The following LRRC74A variants were observed in gnomAD, a reference collection of about 807,000 sequenced individuals.
LRRC74A encodes leucine rich repeat containing 74A.
A neutral mutation model predicts 57.9 loss-of-function variants in LRRC74A; 44 were observed. The observed-to-expected ratio is 0.76, with a 90% CI of 0.60 to 0.98. The LOEUF (loss-of-function observed/expected upper bound fraction) is 0.98, where lower values mean the gene tolerates loss of function less well. Ranked by LOEUF, LRRC74A falls within the 50% of genes least tolerant of loss-of-function variation. LRRC74A has a pLI of 0.00. For synonymous variants in LRRC74A, 211 were observed against 219.4 expected, an observed-to-expected ratio of 0.96 and a Z score of 0.34; for missense variants, 572 against 574.0, an observed-to-expected ratio of 1.00 and a Z score of 0.04.
At chr14:76,854,966 G>A (rs1340513330) in intron 9 of LRRC74A, among the ~76,000 whole-genome samples, 1 of 152,158 alleles carries the variant, frequency 6.6e-6, no homozygotes, top group Non-Finnish European at 1.5e-5. Flanking sequence ...TGCCACACAA[G>A]TAGCAGGAGG....
In LRRC74A at chr14:76,828,390, A is replaced by G. The variant is rs1174509003; in HGVS notation, c.137A>G (p.Glu46Gly). The G allele has an allele frequency of 4.3e-6, 7 of 1,613,864 alleles. No homozygotes were observed. The highest frequency in any genetic ancestry group is 1.7e-5 in the Admixed American group (1 of 60,002). ...GTTGAAAAAGTGAAACCAGCCCGGG[A>G]GAATTCGGAAACAGACCTGGAGATT... is the stretch of plus-strand genomic sequence containing the variant. The part of the protein sequence containing the change: ...PTVEKVKPAR[E>G]NSETDLEIED... The change falls in exon 2 of 14, where the codon GAG (glutamate) becomes GGG (glycine). Residue 46 changes from glutamate (E) to glycine (G), a missense_variant. Glu to Gly is a moderately conservative substitution (Grantham distance 98, BLOSUM62 -2). Transcript: ENST00000689127.
At chr14:76,867,801 A>G (rs1418054764) in intron 13 of LRRC74A, among the ~76,000 whole-genome samples, 3 of 152,150 alleles carry the variant, frequency 2.0e-5, no homozygotes, top group African/African-American at 7.2e-5. Context: ...TTGCAGCCCA[A>G]AGAGGAAGTG....
At chr14:76,847,893 G>T (rs1897210289) in intron 7 of LRRC74A, among the ~76,000 whole-genome samples, 1 of 152,096 alleles carries the variant, frequency 6.6e-6, no homozygotes, top group Non-Finnish European at 1.5e-5. Flanking sequence ...CAAAAGTTGG[G>T]CTGGGTACAG....
chr14:76,863,215 T>TGTGTGTGTGTGTGTGTGTG (rs61247792), intron 11 of LRRC74A, among the ~76,000 whole-genome samples: 1 of 149,006 alleles, frequency 6.7e-6, no homozygotes, highest in African/African-American at 2.5e-5. Flanking sequence ...TGTGTGTGTG[T>TGTGTGTGTGTGTGTGTGTG]TGGGATAGGA....
Position 76,860,696 on chromosome 14 carries a change from G to A in LRRC74A, c.1057G>A (p.Val353Met), listed in dbSNP as rs575564526. The A allele has an allele frequency of 5.2e-5, 84 of 1,607,878 alleles. No homozygotes were observed. Among genetic ancestry groups the A allele is most frequent in the Non-Finnish European group, 6.5e-5 (76 of 1,176,552 alleles). The change falls in exon 11 of 14, where the codon GTG (valine) becomes ATG (methionine). Residue 353 changes from valine to methionine, a missense_variant. Coordinates refer to ENST00000689127, the MANE Select transcript of LRRC74A (RefSeq NM_001385106.1). ...SRMEELDISNVLVSEQFMKTL... is the reference protein window; with the variant it reads ...SRMEELDISNMLVSEQFMKTL... ...GTCCCCTCTCTCCCTGTCACAGAAC[G>A]TGCTGGTGTCCGAGCAGTTCATGAA...
intron 11 of LRRC74A, among the ~76,000 whole-genome samples, chr14:76,861,670 C>T (rs1315214893): frequency 2.0e-5 from 3 of 152,228 alleles, no homozygotes; most frequent in East Asian, 1.9e-4. Context: ...AGAATAGTAG[C>T]GCCGAAAGGG....
intron 11 of LRRC74A, among the ~76,000 whole-genome samples, chr14:76,865,411 A>T (rs1898699089): frequency 6.6e-6 from 1 of 152,222 alleles, no homozygotes; most frequent in African/African-American, 2.4e-5. Context: ...AAATGAAAAA[A>T]ATGAAATATC....
At position 76,860,802 on chromosome 14, in the gene LRRC74A, C is replaced by A. The variant is rs61733959; in HGVS notation, c.1163C>A (p.Thr388Asn). 4 of 1,611,078 alleles carry A rather than the reference C, an allele frequency of 2.5e-6. No individual in the cohort carries two copies. The highest frequency in any genetic ancestry group is 2.2e-5 in the South Asian group (2 of 90,692). The change falls in exon 11 of 14, where the codon ACC becomes AAC. Residue 388 changes from threonine to asparagine, a missense_variant. Transcript: ENST00000689127. ...KAVQGLSPKK[T>N]IFLLTNPMKL... is the part of the protein sequence containing the mutation. Reference sequence around the variant, plus strand: ...GTACAAGGCCTCTCTCCCAAGAAAACCATCTTCTTGTTGACAAACCCCATG... The same window carrying A: ...GTACAAGGCCTCTCTCCCAAGAAAAACATCTTCTTGTTGACAAACCCCATG...
At chr14:76,836,104 G>C in intron 3 of LRRC74A, 103 bp from the exon 4 acceptor site, 3 of 794,762 alleles carry the variant, frequency 3.8e-6, no homozygotes, top group Non-Finnish European at 4.2e-6. Flanking sequence ...TTCCTAGCCT[G>C]CATCTCCACG....
intron 5 of LRRC74A, among the ~76,000 whole-genome samples, chr14:76,842,717 C>T (rs549567121): frequency 9.9e-4 from 141 of 142,932 alleles, no homozygotes; most frequent in Non-Finnish European, 1.7e-3. Context: ...CTGTTATGTG[C>T]CAAGCACTAT....
At chr14:76,851,508 C>G (rs986708776) in intron 7 of LRRC74A, among the ~76,000 whole-genome samples, 2 of 151,944 alleles carry the variant, frequency 1.3e-5, no homozygotes, top group African/African-American at 2.4e-5. Flanking sequence ...CAGGTGTGTG[C>G]CACCACACCC....
rs566892208 is a variant in LRRC74A at position 76,833,109 on chromosome 14, A to G, written c.339+1734A>G. Among the ~76,000 whole-genome samples, 37 of 152,340 alleles carry G rather than the reference A, an allele frequency of 2.4e-4. 2 individuals are homozygous for G. The South Asian group carries it at 6.4e-3, about 26-fold the overall frequency. On this transcript the variant is annotated intron_variant, in intron 3 of 13. Coordinates refer to ENST00000689127, the MANE Select transcript of LRRC74A (RefSeq NM_001385106.1). ...AAGGAGTCAGTGAATTCAATAGAGA[A>G]TGAGTGACTGAAAGACAGGAGAAGC...
intron 5 of LRRC74A, among the ~76,000 whole-genome samples, chr14:76,841,016 A>T (rs79735523): frequency 7.0e-6 from 1 of 142,710 alleles, no homozygotes; most frequent in Non-Finnish European, 1.5e-5. Flanking sequence ...TTAATATATA[A>T]GTTATAAAAT....
chr14:76,837,517 T>C (rs572673864), intron 4 of LRRC74A, among the ~76,000 whole-genome samples: 2 of 152,346 alleles, frequency 1.3e-5, no homozygotes, highest in Non-Finnish European at 1.5e-5. Flanking sequence ...ACTGTTTCAC[T>C]GCCAAGCTCT....
In LRRC74A at chr14:76,844,874, G is replaced by C. The variant is rs1377240201; in HGVS notation, c.649G>C (p.Gly217Arg). 8 of 1,592,702 alleles carry C rather than the reference G, an allele frequency of 5.0e-6. No individual in the cohort carries two copies. Among genetic ancestry groups the C allele is most frequent in the Non-Finnish European group, 6.0e-6 (7 of 1,160,654 alleles). The change falls in exon 7 of 14, where the codon GGA becomes CGA. Residue 217 changes from glycine (G) to arginine (R), a missense_variant. Physicochemically the swap from Gly to Arg is moderately radical, Grantham distance 125. Coordinates refer to ENST00000689127, the MANE Select transcript of LRRC74A (RefSeq NM_001385106.1). ...CAGTCACAACCAATTCTCTGATGTA[G>C]GAGGGGAGCACCTGGGCCAGATGCT... is the stretch of plus-strand genomic sequence containing the variant. ...DLSHNQFSDVGGEHLGQMLAI... is the reference protein window; with the variant it reads ...DLSHNQFSDVRGEHLGQMLAI...
At chr14:76,857,573 C>A in intron 10 of LRRC74A, 98 bp downstream of exon 10, 1 of 776,720 alleles carries the variant, frequency 1.3e-6, no homozygotes, top group Non-Finnish European at 2.2e-6. Flanking sequence ...CTCTATCCCT[C>A]ACAGGCCCTC....
rs746309076 is a variant in LRRC74A, at chr14:76,852,426, T to C, written c.738T>C (p.Ala246=). The C allele has an allele frequency of 4.3e-6, 7 of 1,610,504 alleles. No individual in the cohort carries two copies. In the East Asian group the frequency reaches 1.6e-4, roughly 36 times the overall value. ...GGAATAACTTCCACACAAGGGGAGC[T>C]GTGGCCTTGTGCAATGGTCTCCGGG... ...LSWNNFHTRG[A]VALCNGLRGN... Residue 246 remains alanine, a synonymous_variant, in exon 8 of 14, where the codon GCT becomes GCC. Coordinates refer to ENST00000689127, the MANE Select transcript of LRRC74A (RefSeq NM_001385106.1).
At chr14:76,857,120 A>AGATGGATGGATG (rs10691315) in intron 9 of LRRC74A, among the ~76,000 whole-genome samples, 167 of 147,622 alleles carry the variant, frequency 1.1e-3, no homozygotes, top group African/African-American at 1.9e-3. Context: ...GTAGGTGGAT[A>AGATGGATGGATG]GATGGATGGA....
intron 11 of LRRC74A, among the ~76,000 whole-genome samples, chr14:76,864,197 C>A (rs535307551): frequency 1.3e-5 from 2 of 152,118 alleles, no homozygotes; most frequent in South Asian, 4.2e-4. Context: ...GGTGGGGTGT[C>A]CAGCAGCTGT....
Sources: gnomAD v4.1 joint callset for allele counts (sites outside exome capture counted in the v4.1 genomes callset) on GRCh38, gnomAD v4.1.1 for gene constraint, MANE v1.5 for transcripts, NCBI Gene and HGNC (gene_info 2026-07-23, HGNC 2026-07-21) for gene names.